The following CLVS1 variants were observed in gnomAD, a reference collection of about 807,000 sequenced individuals.
CLVS1 encodes the protein clavesin 1, also known as clavesin-1.
A neutral mutation model predicts 33.1 loss-of-function variants in CLVS1; 10 were observed. That is an observed-to-expected ratio of 0.30 (90% CI 0.19 to 0.51). The LOEUF (loss-of-function observed/expected upper bound fraction) is 0.51, where lower values mean the gene tolerates loss of function less well. CLVS1 is among the 20% of genes least tolerant of loss of function. The probability of loss-of-function intolerance (pLI) is 0.97; values close to 1 mark genes in which losing one functional copy is unlikely to be tolerated. For missense variants in CLVS1, 343 were observed against 433.4 expected (o/e 0.79, Z 1.85); for synonymous variants, 163 against 166.1 (o/e 0.98, Z 0.14).
chr8:61,297,000 A>C (rs1342061064), intron 1 of CLVS1, among the ~76,000 whole-genome samples: 1 of 152,164 alleles, frequency 6.6e-6, no homozygotes, highest in Non-Finnish European at 1.5e-5. Context: ...TCCTGCGGAA[A>C]TGAGTTTCAA....
At chr8:61,472,705 A>G (rs550593118) in intron 5 of CLVS1, among the ~76,000 whole-genome samples, 6 of 152,200 alleles carry the variant, frequency 3.9e-5, no homozygotes, top group Non-Finnish European at 8.8e-5. Flanking sequence ...TATACATTAT[A>G]CACAAGTAGG....
chr8:61,257,864 G>A (rs2919318), intron 2 of CLVS1, among the ~76,000 whole-genome samples: 38,743 of 152,096 alleles, frequency 0.25, 6,067 homozygotes, highest in Non-Finnish European at 0.33. Context: ...TTATTTATGT[G>A]TCTTGTTTCT....
intron 2 of CLVS1, among the ~76,000 whole-genome samples, chr8:61,254,260 T>G (rs1809022126): frequency 6.6e-6 from 1 of 152,230 alleles, no homozygotes; most frequent in Non-Finnish European, 1.5e-5. Flanking sequence ...CAAATGTTGC[T>G]GCCTGATCTT....
chr8:61,231,688 C>T (rs951928002), intron 2 of CLVS1, among the ~76,000 whole-genome samples: 5 of 152,124 alleles, frequency 3.3e-5, no homozygotes, highest in African/African-American at 7.2e-5. Flanking sequence ...GGAAACTTGC[C>T]GGAAATACGA....
chr8:61,312,896 T>G (rs1810881646), intron 2 of CLVS1, among the ~76,000 whole-genome samples: 1 of 152,232 alleles, frequency 6.6e-6, no homozygotes, highest in Non-Finnish European at 1.5e-5. Context: ...GCAAAGTTCT[T>G]ACTAAAGAAT....
At chr8:61,221,390 T>C (rs2129309762) in intron 2 of CLVS1, among the ~76,000 whole-genome samples, 1 of 152,366 alleles carries the variant, frequency 6.6e-6, no homozygotes, top group Non-Finnish European at 1.5e-5. Context: ...GTTTTTAACC[T>C]GAAGGGATGT....
intron 1 of CLVS1, among the ~76,000 whole-genome samples, chr8:61,064,117 A>G (rs1490138730): frequency 6.6e-6 from 1 of 152,192 alleles, no homozygotes; most frequent in African/African-American, 2.4e-5. Context: ...TTGTTTACCC[A>G]TCCACCTCTT....
At chr8:61,190,284 A>G (rs1490986924) in intron 2 of CLVS1, among the ~76,000 whole-genome samples, 5 of 152,230 alleles carry the variant, frequency 3.3e-5, no homozygotes, top group African/African-American at 1.2e-4. Flanking sequence ...CTGGATACAT[A>G]ACAAAATGAA....
chr8:60,992,415 G>C, the CLVS1 span, among the ~76,000 whole-genome samples: 324 of 152,330 alleles, frequency 2.1e-3, 1 homozygote, highest in Admixed American at 6.4e-3. Context: ...ACTTCAGGAG[G>C]AGACGGAGTT....
At chr8:61,154,502 G>A (rs1352015663) in intron 2 of CLVS1, among the ~76,000 whole-genome samples, 1 of 152,100 alleles carries the variant, frequency 6.6e-6, no homozygotes, top group Non-Finnish European at 1.5e-5. Flanking sequence ...TGGATGGTTC[G>A]ATATAACAAA....
the CLVS1 span, among the ~76,000 whole-genome samples, chr8:60,967,051 A>G: frequency 6.6e-6 from 1 of 152,206 alleles, no homozygotes; most frequent in African/African-American, 2.4e-5. Context: ...TTTCTCATCT[A>G]TCTACATATC....
the CLVS1 span, among the ~76,000 whole-genome samples, chr8:60,990,500 C>A: frequency 6.6e-6 from 1 of 152,104 alleles, no homozygotes; most frequent in African/African-American, 2.4e-5. Context: ...GGGCAAGGAT[C>A]AAGATCACCA....
intron 1 of CLVS1, among the ~76,000 whole-genome samples, chr8:61,128,025 T>C (rs1290530389): frequency 6.6e-6 from 1 of 152,194 alleles, no homozygotes; most frequent in Non-Finnish European, 1.5e-5. Flanking sequence ...TGGGTAAAAA[T>C]GGTTATTTTG....
At chr8:61,366,543 C>G (rs1392769791) in intron 2 of CLVS1, among the ~76,000 whole-genome samples, 2 of 152,206 alleles carry the variant, frequency 1.3e-5, no homozygotes, top group Non-Finnish European at 2.9e-5. Context: ...CAGACGTCAG[C>G]AATGAGCATG....
At chr8:61,237,338 C>G (rs1808589592) in intron 2 of CLVS1, among the ~76,000 whole-genome samples, 1 of 152,152 alleles carries the variant, frequency 6.6e-6, no homozygotes, top group Non-Finnish European at 1.5e-5. Context: ...GTCCCAGCTA[C>G]CCAGGAGGCT....
intron 3 of CLVS1, among the ~76,000 whole-genome samples, chr8:61,396,784 C>A (rs141539285): frequency 6.6e-6 from 1 of 152,336 alleles, no homozygotes; most frequent in East Asian, 1.9e-4. Flanking sequence ...TAAATGGAAT[C>A]ATACAATATG....
At chr8:61,499,410 C>G (rs1380260565) in intron 5 of CLVS1, 45 bp from the exon 6 acceptor site, 1 of 1,400,182 alleles carries the variant, frequency 7.1e-7, no homozygotes, top group Non-Finnish European at 1.0e-6. Context: ...AAATTGTCAC[C>G]ATGAATTGTT....
At chr8:61,115,890 A>T (rs1335616778) in intron 1 of CLVS1, among the ~76,000 whole-genome samples, 2 of 146,952 alleles carry the variant, frequency 1.4e-5, no homozygotes, top group Non-Finnish European at 3.0e-5. Context: ...GTATATACCC[A>T]GTAATGGGAT....
intron 3 of CLVS1, among the ~76,000 whole-genome samples, chr8:61,384,198 T>G (rs1932922090): frequency 6.6e-6 from 1 of 152,194 alleles, no homozygotes; most frequent in Non-Finnish European, 1.5e-5. Flanking sequence ...AATTTAATTT[T>G]TTTGGAATGC....
Sources: allele counts gnomAD v4.1 joint callset (sites outside exome capture counted in the v4.1 genomes callset), GRCh38; gene constraint gnomAD v4.1.1; transcripts MANE v1.5; gene names NCBI Gene and HGNC (gene_info 2026-07-23, HGNC 2026-07-21).